Variants in NRCAM observed in about 807,000 individuals in gnomAD.
NRCAM encodes neuronal cell adhesion molecule.
In NRCAM, 83 loss-of-function variants were observed where a neutral mutation model predicts 156.5. The ratio of observed to expected loss-of-function variants is 0.53; its 90% CI spans 0.44 to 0.64. NRCAM has a LOEUF of 0.64. Ranked by LOEUF, NRCAM falls within the 30% of genes least tolerant of loss-of-function variation. NRCAM has a pLI of 0.00. For synonymous variants in NRCAM, 538 were observed against 563.9 expected, an observed-to-expected ratio of 0.95 and a Z score of 0.65; for missense variants, 1,417 against 1,597.3, an observed-to-expected ratio of 0.89 and a Z score of 1.92.
intron 1 of NRCAM, among the ~76,000 whole-genome samples, chr7:108,412,457 T>C (rs1796613747): frequency 6.6e-6 from 1 of 152,314 alleles, no homozygotes; most frequent in South Asian, 2.1e-4. Context: ...ATATTTATAA[T>C]GTACAACATT....
intron 1 of NRCAM, among the ~76,000 whole-genome samples, chr7:108,441,756 C>T (rs776071720): frequency 6.6e-6 from 1 of 152,114 alleles, no homozygotes; most frequent in Non-Finnish European, 1.5e-5. Context: ...AAACTTTGAC[C>T]GTGGGCCAAA....
chr7:108,177,724 T>C, intron 26 of NRCAM, among the ~76,000 whole-genome samples: 1 of 56,484 alleles, frequency 1.8e-5, no homozygotes, highest in South Asian at 8.0e-4. Context: ...TACGTGTGTA[T>C]ATATATATAT....
chr7:108,175,358 C>T lies in NRCAM; in HGVS notation c.3152-1G>A. The T allele has an allele frequency of 2.6e-6, 4 of 1,562,374 alleles. No homozygotes were observed. Among genetic ancestry groups the T allele is most frequent in the Non-Finnish European group, 3.5e-6 (4 of 1,152,118 alleles). On this transcript the variant is annotated splice_acceptor_variant, in intron 27 of 32. Transcript: ENST00000379028. LOFTEE classifies it high-confidence loss of function. ...CCTACATCAGGTGGAAGAATACCAG[C>T]TTTAATGAAGGGAAACAGAAATAGG...
chr7:108,150,627 GA>G, intron 32 of NRCAM: 1 of 502,814 alleles, frequency 2.0e-6, no homozygotes, highest in South Asian at 1.5e-5. Flanking sequence ...GCCAGAAGGA[GA>G]AGCAAAATCC....
Position 108,435,790 on chromosome 7 carries a change from C to T in NRCAM, c.-332+20453G>A, listed in dbSNP as rs139391385. The stretch of plus-strand genomic sequence containing the variant: ...AAACACAGAGATCTATATCTGGGCA[C>T]ATCAAAGTCAAACTGTTGAGAATCG... On this transcript the variant is annotated intron_variant, in intron 1 of 32. Transcript: ENST00000379028. 2.5e-3 allele frequency among the ~76,000 whole-genome samples: 375 copies of T among 152,316 alleles called. 1 individual carries two copies. Among genetic ancestry groups the T allele is most frequent in the African/African-American group, 8.7e-3 (360 of 41,572 alleles).
chr7:108,374,457 T>A (rs2267888), intron 2 of NRCAM, among the ~76,000 whole-genome samples: 107,032 of 152,020 alleles, frequency 0.7, 38,140 homozygotes, highest in East Asian at 0.93. Context: ...AGAGGAAGAC[T>A]CTACCTGAAT....
intron 19 of NRCAM, among the ~76,000 whole-genome samples, 169 bp from the exon 20 acceptor site, chr7:108,189,915 C>T (rs779623218): frequency 1.2e-4 from 19 of 152,136 alleles, no homozygotes; most frequent in South Asian, 4.1e-4. Context: ...TGGGAACACA[C>T]GAACACACAC....
Position 108,413,816 on chromosome 7 carries a change from C to T in NRCAM, c.-331-14223G>A, listed in dbSNP as rs1321983189. ...TTTTCTGCTTTCCCAGGTTTGCCTG[C>T]CCCTCTCCACACTGTTCCTCTGGCT... On this transcript the variant is annotated intron_variant, in intron 1 of 32. Transcript: ENST00000379028. Among the ~76,000 whole-genome samples, 3 of 152,228 alleles carry T rather than the reference C, an allele frequency of 2.0e-5. No homozygotes were observed. In the East Asian group the frequency reaches 5.8e-4, roughly 29 times the overall value.
chr7:108,271,234 T>C (rs768113543), intron 3 of NRCAM, among the ~76,000 whole-genome samples: 16 of 152,288 alleles, frequency 1.1e-4, no homozygotes, highest in Non-Finnish European at 1.5e-4. Context: ...ATAAAACATA[T>C]ACTTAAAGAT....
intron 30 of NRCAM, among the ~76,000 whole-genome samples, chr7:108,164,255 C>T (rs1262839860): frequency 6.6e-6 from 1 of 151,730 alleles, no homozygotes; most frequent in Non-Finnish European, 1.5e-5. Context: ...GAGGTCATAC[C>T]AGTAGTACGG....
intron 1 of NRCAM, among the ~76,000 whole-genome samples, chr7:108,413,539 C>T (rs1324160793): frequency 2.6e-5 from 4 of 152,044 alleles, no homozygotes; most frequent in African/African-American, 9.7e-5. Flanking sequence ...AACTCACCTC[C>T]TCCAGGAAGC....
intron 8 of NRCAM, among the ~76,000 whole-genome samples, chr7:108,228,976 T>A (rs946753657): frequency 3.3e-5 from 5 of 152,126 alleles, no homozygotes; most frequent in African/African-American, 9.7e-5. Context: ...TAAAAAAAAA[T>A]TAAATTAAAA....
chr7:108,154,161 C>T (rs2043408356), intron 32 of NRCAM, among the ~76,000 whole-genome samples: 1 of 152,032 alleles, frequency 6.6e-6, no homozygotes, highest in South Asian at 2.1e-4. Flanking sequence ...TAGCAGATAT[C>T]AAGACTTATT....
At chr7:108,276,303 T>A (rs1375729937) in intron 3 of NRCAM, among the ~76,000 whole-genome samples, 1 of 152,202 alleles carries the variant, frequency 6.6e-6, no homozygotes, top group African/African-American at 2.4e-5. Context: ...ATTTTCTGTC[T>A]TGTTGATCTG....
intron 3 of NRCAM, among the ~76,000 whole-genome samples, chr7:108,288,288 G>A (rs527511471): frequency 6.6e-6 from 1 of 152,004 alleles, no homozygotes; most frequent in African/African-American, 2.4e-5. Flanking sequence ...TATTGGGTAC[G>A]ATGTTCACTA....
chr7:108,454,989 C>T (rs1854966806), intron 1 of NRCAM, among the ~76,000 whole-genome samples: 1 of 152,204 alleles, frequency 6.6e-6, no homozygotes, highest in Non-Finnish European at 1.5e-5. Context: ...CCGCTCGGCG[C>T]CCTCCCTCGG....
chr7:108,202,030 G>C (rs946360049), intron 13 of NRCAM, among the ~76,000 whole-genome samples: 2 of 152,116 alleles, frequency 1.3e-5, no homozygotes, highest in Non-Finnish European at 2.9e-5. Flanking sequence ...GCCTTTGGAT[G>C]GGCTGGCTAG....
At chr7:108,188,047 T>A (rs760995970) in intron 20 of NRCAM, among the ~76,000 whole-genome samples, 1 of 152,102 alleles carries the variant, frequency 6.6e-6, no homozygotes, top group Non-Finnish European at 1.5e-5. Context: ...AGGGAAGACC[T>A]TCAGACCACA....
At chr7:108,432,860 TCCAGC>T (rs1827192910) in intron 1 of NRCAM, among the ~76,000 whole-genome samples, 1 of 150,012 alleles carries the variant, frequency 6.7e-6, no homozygotes, top group Non-Finnish European at 1.5e-5. Context: ...ACCACTGCAC[TCCAGC>T]CTGGGTGACA....
Sources: allele counts gnomAD v4.1 joint callset (sites outside exome capture counted in the v4.1 genomes callset), GRCh38; gene constraint gnomAD v4.1.1; transcripts MANE v1.5; gene names NCBI Gene and HGNC (gene_info 2026-07-23, HGNC 2026-07-21).